Variants in TNPO3 observed in about 807,000 individuals in gnomAD.
The protein encoded by TNPO3 is transportin-3.
Under a neutral mutation model 122.8 loss-of-function variants are expected in TNPO3, and 65 were observed. That is an observed-to-expected ratio of 0.53 (90% CI 0.43 to 0.65). The LOEUF (loss-of-function observed/expected upper bound fraction) is 0.65. TNPO3 is among the 30% of genes least tolerant of loss of function. The probability of loss-of-function intolerance (pLI) is 0.00; values close to 1 mark genes in which losing one functional copy is unlikely to be tolerated. For missense variants in TNPO3, 850 were observed against 1,136.7 expected (o/e 0.75, Z 3.63); for synonymous variants, 372 against 411.2 (o/e 0.90, Z 1.15).
In TNPO3 at chr7:128,997,372, T is replaced by G. The variant is rs764995047; in HGVS notation, c.1158+17A>C. ...AGGAAGAAATTAAGATTTGAAGAGG[T>G]AGAGAAGGGAACTTACATGGTCTGG... On this transcript the variant is annotated intron_variant, in intron 8 of 22. Transcript: ENST00000265388. The G allele has an allele frequency of 1.9e-6, 3 of 1,612,868 alleles. No homozygotes were observed. Among genetic ancestry groups the G allele is most frequent in the African/African-American group, 2.7e-5 (2 of 74,924 alleles).
intron 1 of TNPO3, among the ~76,000 whole-genome samples, chr7:129,035,619 G>GA (rs940429068): frequency 1.3e-5 from 2 of 149,466 alleles, no homozygotes; most frequent in South Asian, 2.1e-4. Context: ...ACGTCGGGGG[G>GA]AAAAAAAAAG....
intron 1 of TNPO3, among the ~76,000 whole-genome samples, chr7:129,028,676 A>G (rs1805553224): frequency 1.3e-5 from 2 of 152,234 alleles, no homozygotes; most frequent in African/African-American, 4.8e-5. Context: ...TGACAGGCAC[A>G]GCAGAGAGGT....
chr7:128,980,290 A>G (rs13238311), intron 14 of TNPO3, among the ~76,000 whole-genome samples: 432 of 152,336 alleles, frequency 2.8e-3, no homozygotes, highest in Non-Finnish European at 5.4e-3. Context: ...CACTATGGCT[A>G]TCTTTTCCAT....
upstream of TNPO3, chr7:129,055,976 T>A (rs1809420324): frequency 2.7e-6 from 2 of 752,326 alleles, no homozygotes; most frequent in South Asian, 3.0e-5. Flanking sequence ...TAAAACCCGT[T>A]TTAGGCGCTG....
At chr7:128,999,945 A>C (rs1216231453) in intron 7 of TNPO3, among the ~76,000 whole-genome samples, 1 of 152,126 alleles carries the variant, frequency 6.6e-6, no homozygotes, top group Non-Finnish European at 1.5e-5. Context: ...AAGAGGTAAA[A>C]CTTCTCAAAT....
At chr7:128,960,727 A>T (rs1797362933) in intron 21 of TNPO3, among the ~76,000 whole-genome samples, 1 of 151,812 alleles carries the variant, frequency 6.6e-6, no homozygotes, top group Non-Finnish European at 1.5e-5. Context: ...AAAGTAAAAA[A>T]GTTACAGTAA....
chr7:129,019,059 C>T (rs1222364684), intron 1 of TNPO3, among the ~76,000 whole-genome samples: 2 of 152,072 alleles, frequency 1.3e-5, no homozygotes, highest in African/African-American at 2.4e-5. Flanking sequence ...TGGCAAAGTG[C>T]TACACATGTT....
chr7:128,991,426 T>A (rs1485509402), intron 10 of TNPO3, among the ~76,000 whole-genome samples: 3 of 152,220 alleles, frequency 2.0e-5, no homozygotes. Context: ...TGGCACAAAG[T>A]AAATTTTGTC....
intron 1 of TNPO3, among the ~76,000 whole-genome samples, chr7:129,052,155 T>A (rs140004563): frequency 2.0e-5 from 3 of 152,224 alleles, no homozygotes; most frequent in Non-Finnish European, 2.9e-5. Flanking sequence ...TCTGCTCCAA[T>A]AGGCTGACCT....
At chr7:129,031,076 G>T (rs1260135531) in intron 1 of TNPO3, among the ~76,000 whole-genome samples, 21 of 152,210 alleles carry the variant, frequency 1.4e-4, no homozygotes, top group Admixed American at 1.4e-3. Flanking sequence ...CTTGAAGTCA[G>T]GAGTTCAAGA....
At position 129,053,905 on chromosome 7, in the gene TNPO3, G is replaced by C. The variant is rs559425548; in HGVS notation, c.120+746C>G. ...AATCAAAGAATGCAGAAATACAACA[G>C]ATATAAGCTACAATTAAATATCTCA... On this transcript the variant is annotated intron_variant, in intron 1 of 22. Transcript: ENST00000265388. Among the ~76,000 whole-genome samples the C allele has an allele frequency of 5.3e-5, 8 of 152,256 alleles. No individual in the cohort carries two copies. The East Asian group carries it at 1.3e-3, about 26-fold the overall frequency.
intron 1 of TNPO3, among the ~76,000 whole-genome samples, chr7:129,038,907 C>G (rs1487179831): frequency 6.6e-6 from 1 of 152,154 alleles, no homozygotes; most frequent in East Asian, 1.9e-4. Flanking sequence ...ACAAAATAAT[C>G]TGTACAACAA....
At chr7:129,002,734 C>G (rs569660192) in intron 5 of TNPO3, among the ~76,000 whole-genome samples, 1 of 151,962 alleles carries the variant, frequency 6.6e-6, no homozygotes, top group Non-Finnish European at 1.5e-5. Context: ...CTGGCTAACA[C>G]AGTGAAACCC....
At chr7:128,970,588 T>C (rs1046294801) in intron 19 of TNPO3, 5 of 240,614 alleles carry the variant, frequency 2.1e-5, no homozygotes, top group Non-Finnish European at 4.0e-5. Context: ...AGATTTTTCA[T>C]GATTTGAAGG....
intron 20 of TNPO3, among the ~76,000 whole-genome samples, chr7:128,968,219 C>G (rs1401648924): frequency 6.6e-6 from 1 of 152,192 alleles, no homozygotes; most frequent in Non-Finnish European, 1.5e-5. Context: ...AAGGCCATCT[C>G]TCTCAGAATA....
chr7:129,002,693 C>CCAGT, intron 5 of TNPO3, among the ~76,000 whole-genome samples: 1 of 151,806 alleles, frequency 6.6e-6, no homozygotes, highest in African/African-American at 2.4e-5. Flanking sequence ...CCAAGGTGGG[C>CCAGT]AGATCACAAG....
intron 1 of TNPO3, among the ~76,000 whole-genome samples, chr7:129,028,383 CTG>C (rs1302046955): frequency 6.6e-6 from 1 of 151,812 alleles, no homozygotes; most frequent in African/African-American, 2.4e-5. Context: ...AAATGTATAA[CTG>C]TATATATGCT....
chr7:128,983,636 TA>T (rs1411499207), intron 13 of TNPO3, among the ~76,000 whole-genome samples: 13 of 152,198 alleles, frequency 8.5e-5, no homozygotes, highest in African/African-American at 2.4e-4. Flanking sequence ...AACCTTAACT[TA>T]AACATTCCTT....
intron 1 of TNPO3, among the ~76,000 whole-genome samples, chr7:129,034,665 G>A (rs1245262461): frequency 3.3e-5 from 5 of 151,734 alleles, no homozygotes; most frequent in East Asian, 3.9e-4. Context: ...TGAGGCGGGC[G>A]GATCACGAGG....
Sources: allele counts gnomAD v4.1 joint callset (sites outside exome capture counted in the v4.1 genomes callset), GRCh38; gene constraint gnomAD v4.1.1; transcripts MANE v1.5; gene names NCBI Gene and HGNC (gene_info 2026-07-23, HGNC 2026-07-21).